Variants in RNPEPL1 observed in about 807,000 individuals in gnomAD.
RNPEPL1 encodes aminopeptidase RNPEPL1.
Under a neutral mutation model 69.0 loss-of-function variants are expected in RNPEPL1, and 46 were observed. The ratio of observed to expected loss-of-function variants is 0.67; its 90% CI spans 0.53 to 0.85. RNPEPL1 has a LOEUF of 0.85. Ranked by LOEUF, RNPEPL1 falls within the 40% of genes least tolerant of loss-of-function variation. The probability of loss-of-function intolerance (pLI) is 0.00; values close to 1 mark genes in which losing one functional copy is unlikely to be tolerated. For missense variants in RNPEPL1, 869 were observed against 992.5 expected (o/e 0.88, Z 1.67); for synonymous variants, 525 against 454.1 (o/e 1.16, Z -1.98).
At chr2:240,571,579 G>C (rs1559415329) in intron 1 of RNPEPL1, among the ~76,000 whole-genome samples, 1 of 152,036 alleles carries the variant, frequency 6.6e-6, no homozygotes, top group Non-Finnish European at 1.5e-5. Flanking sequence ...GACGGGTGCA[G>C]CAGGATAGTG....
Position 240,568,561 on chromosome 2 carries a change from A to T in RNPEPL1, c.-26A>T. ...CCGCGGCCCGGCGCGGCCGCCGCCC[A>T]TGGATTTCACCTAGTGCCGGCGGCC... On this transcript the variant is annotated 5_prime_UTR_variant, in exon 1 of 11. An upstream start codon of the reference 5' UTR is lost. Coordinates refer to ENST00000270357, the MANE Select transcript of RNPEPL1 (RefSeq NM_018226.6). This position sits in a 1 kb window ranked among gnomAD's most constrained non-coding sequence, Gnocchi z 6.2. 1 of 949,166 alleles carries T rather than the reference A, an allele frequency of 1.1e-6. No homozygotes were observed. The highest frequency in any genetic ancestry group is 1.2e-6 in the Non-Finnish European group (1 of 805,556). 58.8% of individuals were successfully genotyped at this position (949,166 alleles called of 1,614,324 possible). A position where few individuals can be genotyped will look rare whatever the true frequency, so the allele number is the denominator to read the frequency against.
intron 5 of RNPEPL1, 48 bp downstream of exon 5, chr2:240,574,396 G>A (rs1271337861): frequency 3.8e-6 from 6 of 1,573,818 alleles, no homozygotes; most frequent in Non-Finnish European, 5.2e-6. Flanking sequence ...CTGGGCACTG[G>A]TCCAGGGGCA....
At position 240,571,099 on chromosome 2, in the gene RNPEPL1, C is replaced by G. The variant is rs148284430; in HGVS notation, c.529-1324C>G. On this transcript the variant is annotated intron_variant, in intron 1 of 10. Coordinates refer to ENST00000270357, the MANE Select transcript of RNPEPL1 (RefSeq NM_018226.6). ...TACAGATTCCCAGGTCCCAGCCCCCCCCAAGGGGGAGGCTGCGTTTGTGAA... is the reference window on the plus strand; with the variant it reads ...TACAGATTCCCAGGTCCCAGCCCCCGCCAAGGGGGAGGCTGCGTTTGTGAA... 8.2e-3 allele frequency among the ~76,000 whole-genome samples: 1,248 copies of G among 152,246 alleles called. 17 individuals carry two copies. The highest frequency in any genetic ancestry group is 0.06 in the South Asian group (291 of 4,824).
intron 1 of RNPEPL1, among the ~76,000 whole-genome samples, chr2:240,571,668 A>G (rs2093021863): frequency 6.6e-6 from 1 of 151,368 alleles, no homozygotes; most frequent in African/African-American, 2.4e-5. Context: ...GAAAGCCTCA[A>G]CAGCTTTGGT....
rs2093011819 is a variant in RNPEPL1, at chr2:240,568,772, G to T, written c.186G>T (p.Val62=). ...CGCGCGAGTTGGCCGGCTGCCTGGT[G>T]CTCGAGCTGTGCGCGCTGCGGCCCG... ...PEARELAGCL[V]LELCALRPAP... is the part of the protein sequence containing the mutation. Residue 62 remains valine (V), a synonymous_variant, in exon 1 of 11, where the codon GTG becomes GTT. Transcript: ENST00000270357. The surrounding 1 kb of genome is among the most constrained non-coding windows in gnomAD (Gnocchi z 6.2). The T allele has an allele frequency of 4.7e-6, 5 of 1,074,552 alleles. No homozygotes were observed. The highest frequency in any genetic ancestry group is 5.4e-5 in the Admixed American group (1 of 18,466). The allele number at this position is 1,074,552 out of a possible 1,614,324, so 66.6% of individuals were successfully genotyped here.
intron 5 of RNPEPL1, 45 bp from the exon 6 acceptor site, chr2:240,574,470 C>T (rs771026677): frequency 1.4e-4 from 220 of 1,567,986 alleles, no homozygotes; most frequent in Admixed American, 1.6e-4. Flanking sequence ...CCCCCGACGA[C>T]CCCTACACCC....
intron 7 of RNPEPL1, 98 bp from the exon 8 acceptor site, chr2:240,575,404 T>C (rs1298952791): frequency 9.5e-7 from 1 of 1,056,316 alleles, no homozygotes; most frequent in Non-Finnish European, 1.5e-6. Context: ...GCCCAGCACG[T>C]ACCTTGGCGC....
At position 240,568,494 on chromosome 2, in the gene RNPEPL1, T is replaced by G; in HGVS notation, c.-93T>G. On this transcript the variant is annotated 5_prime_UTR_variant, in exon 1 of 11. Transcript: ENST00000270357. This position sits in a 1 kb window ranked among gnomAD's most constrained non-coding sequence, Gnocchi z 6.2. ...GGCGGCTCCCGGCGCGACTTCCTGT[T>G]GTGCCCGCGCCCCGCCGCCGCCGCC... 1 of 562,862 alleles carries G rather than the reference T, an allele frequency of 1.8e-6. No homozygotes were observed. Among genetic ancestry groups the G allele is most frequent in the Non-Finnish European group, 2.2e-6 (1 of 447,650 alleles). 34.9% of individuals were successfully genotyped at this position (562,862 alleles called of 1,614,324 possible).
At chr2:240,577,054 C>T in intron 10 of RNPEPL1, 64 bp downstream of exon 10, 1 of 1,586,732 alleles carries the variant, frequency 6.3e-7, no homozygotes, top group Non-Finnish European at 8.6e-7. Context: ...GGAGTCCCAC[C>T]CGACTCCCTA....
In RNPEPL1 at chr2:240,573,803, C is replaced by T; in HGVS notation, c.850C>T (p.Leu284=). 6.5e-7 allele frequency: 1 copy of T among 1,548,510 alleles called. No individual in the cohort carries two copies. Among genetic ancestry groups the T allele is most frequent in the Non-Finnish European group, 8.7e-7 (1 of 1,145,962 alleles). ...CCGCGTGTGGGCCGAGCCATGCCTC[C>T]TGCCCACGGCCACCAGCAAGCTGTC... ...RSRVWAEPCL[L]PTATSKLSGA... The change falls in exon 4 of 11, where the codon CTG becomes TTG. Residue 284 remains leucine (L), a synonymous_variant. Coordinates refer to ENST00000270357, the MANE Select transcript of RNPEPL1 (RefSeq NM_018226.6).
chr2:240,578,028 A>G lies in RNPEPL1; in HGVS notation c.*136A>G, dbSNP rs1334764370. The G allele has an allele frequency of 1.2e-6, 1 of 862,984 alleles. No individual in the cohort carries two copies. Among genetic ancestry groups the G allele is most frequent in the Non-Finnish European group, 1.6e-6 (1 of 608,042 alleles). The allele number at this position is 862,984 out of a possible 1,614,324, so 53.5% of individuals were successfully genotyped here. ...ACAAGCCCCTCCCCTGGGCTCTCCC[A>G]GGCAGGGAGAATGGGGAGAGGGACC... On this transcript the variant is annotated 3_prime_UTR_variant, in exon 11 of 11. Transcript: ENST00000270357.
intron 8 of RNPEPL1, 54 bp from the exon 9 acceptor site, chr2:240,576,457 TGGGGTCTCCTGGGCAGATTGCTCA>T: frequency 7.4e-7 from 1 of 1,358,034 alleles, no homozygotes; most frequent in Middle Eastern, 2.1e-4. Context: ...ACTCAGGGTC[TGGGGTCTCCTGGGCAGATTGCTCA>T]GGCAGCCCCT....
intron 10 of RNPEPL1, among the ~76,000 whole-genome samples, chr2:240,577,292 G>C (rs887789058): frequency 6.6e-6 from 1 of 152,234 alleles, no homozygotes; most frequent in African/African-American, 2.4e-5. Context: ...TCTGGGCAGA[G>C]GGGACGTCCC....
chr2:240,577,950 C>T lies in RNPEPL1; in HGVS notation c.*58C>T. ...ACACCACAATTGTGCCTTCTGTGGG[C>T]CAGGCCTGCCATGACTGCGTCTCGG... On this transcript the variant is annotated 3_prime_UTR_variant, in exon 11 of 11. Transcript: ENST00000270357. 6 of 1,397,922 alleles carry T rather than the reference C, an allele frequency of 4.3e-6. No homozygotes were observed. The highest frequency in any genetic ancestry group is 2.5e-4 in the Middle Eastern group (1 of 3,934). The allele number at this position is 1,397,922 out of a possible 1,614,324, so 86.6% of individuals were successfully genotyped here.
chr2:240,577,866 C>G lies in RNPEPL1; in HGVS notation c.2152C>G (p.Leu718Val). 1 of 1,558,076 alleles carries G rather than the reference C, an allele frequency of 6.4e-7. No individual in the cohort carries two copies. Among genetic ancestry groups the G allele is most frequent in the Non-Finnish European group, 8.7e-7 (1 of 1,146,300 alleles). The change falls in exon 11 of 11, where the codon CTC becomes GTC. Residue 718 changes from leucine (L) to valine (V), a missense_variant. By Grantham distance (32) the Leu-to-Val change is conservative (BLOSUM62 1). This residue lies in a region of RNPEPL1 where 610 missense variants were observed against 790.9 expected (regional missense o/e 0.77). Transcript: ENST00000270357. ...CGAGGCCCCCAGCAGTGCCATCTCT[C>G]TCAGGGACGTCAATGTGTCTGCCTA... is the stretch of plus-strand genomic sequence containing the variant. ...GDEAPSSAIS[L>V]RDVNVSA
At chr2:240,571,828 G>A (rs2093022460) in intron 1 of RNPEPL1, among the ~76,000 whole-genome samples, 1 of 152,014 alleles carries the variant, frequency 6.6e-6, no homozygotes. Context: ...TGCCAGCAGG[G>A]TCCTCTGGCC....
At position 240,574,503 on chromosome 2, in the gene RNPEPL1, G is replaced by A. The variant is rs188145464; in HGVS notation, c.1175-12G>A. 1 of 1,606,180 alleles carries A rather than the reference G, an allele frequency of 6.2e-7. No individual in the cohort carries two copies. The highest frequency in any genetic ancestry group is 8.5e-7 in the Non-Finnish European group (1 of 1,177,000). On this transcript the variant is annotated splice_polypyrimidine_tract_variant and intron_variant, in intron 5 of 10. Coordinates refer to ENST00000270357, the MANE Select transcript of RNPEPL1 (RefSeq NM_018226.6). Reference sequence around the variant, plus strand: ...CCCCCTCACCTCTCCTCTGTCTCCGGACCCCATCCAGGTGCTGCCTTCACC... The same window carrying A: ...CCCCCTCACCTCTCCTCTGTCTCCGAACCCCATCCAGGTGCTGCCTTCACC...
In RNPEPL1 at chr2:240,579,151, G is replaced by C. The variant is rs2093046588; in HGVS notation, c.*1259G>C. 1 of 152,272 alleles carries C rather than the reference G, an allele frequency of 6.6e-6. No homozygotes were observed. The highest frequency in any genetic ancestry group is 2.4e-5 in the African/African-American group (1 of 41,436). The allele number at this position is 152,272 out of a possible 1,614,324, so 9.4% of individuals were successfully genotyped here. A position where few individuals can be genotyped will look rare whatever the true frequency, so the allele number is the denominator to read the frequency against. On this transcript the variant is annotated 3_prime_UTR_variant, in exon 11 of 11. Transcript: ENST00000270357. ...CACCATCTCAGTGCCACGCACACCT[G>C]GCCAACATGCCGTGGCCCAGAAGCA...
Position 240,576,526 on chromosome 2 carries a change from C to G in RNPEPL1, c.1511-9C>G. 6.2e-7 allele frequency: 1 copy of G among 1,606,084 alleles called. No homozygotes were observed. The highest frequency in any genetic ancestry group is 8.5e-7 in the Non-Finnish European group (1 of 1,176,718). On this transcript the variant is annotated splice_polypyrimidine_tract_variant and intron_variant, in intron 8 of 10. Coordinates refer to ENST00000270357, the MANE Select transcript of RNPEPL1 (RefSeq NM_018226.6). ...GGGCAGGGACCCCAGGGTCACTTCT[C>G]CCCTCTAGGGCTGGAATTCGAGCGC...
Sources: allele counts gnomAD v4.1 joint callset (sites outside exome capture counted in the v4.1 genomes callset), GRCh38; gene constraint gnomAD v4.1.1; regional missense constraint gnomAD v4.1.1; non-coding constraint Gnocchi (gnomAD v3.1); transcripts MANE v1.5; gene names NCBI Gene and HGNC (gene_info 2026-07-23, HGNC 2026-07-21).